The following LUC7L2 variants were observed in gnomAD, a reference collection of about 807,000 sequenced individuals.
The protein encoded by LUC7L2 is putative RNA-binding protein Luc7-like 2.
A neutral mutation model predicts 52.8 loss-of-function variants in LUC7L2; 25 were observed. The observed-to-expected ratio is 0.47, with a 90% CI of 0.34 to 0.66. The LOEUF is 0.66. LUC7L2 is among the 30% of genes least tolerant of loss of function. The pLI is 0.01. For synonymous variants in LUC7L2, 144 were observed against 160.9 expected, an observed-to-expected ratio of 0.89 and a Z score of 0.80; for missense variants, 328 against 497.8, an observed-to-expected ratio of 0.66 and a Z score of 3.25.
At chr7:139,403,850 T>C (rs944594639) in intron 4 of LUC7L2, among the ~76,000 whole-genome samples, 1 of 152,184 alleles carries the variant, frequency 6.6e-6, no homozygotes, top group African/African-American at 2.4e-5. Context: ...CTGGCCGTGT[T>C]CTCATAGTGG....
At chr7:139,366,494 A>AC (rs1304151523) in intron 1 of LUC7L2, among the ~76,000 whole-genome samples, 11 of 152,036 alleles carry the variant, frequency 7.2e-5, no homozygotes, top group Admixed American at 2.0e-4. Flanking sequence ...TAATAGTTTA[A>AC]TAGTTAAAGT....
chr7:139,379,836 A>G (rs10085842), intron 2 of LUC7L2, among the ~76,000 whole-genome samples: 58,494 of 151,812 alleles, frequency 0.39, 15,743 homozygotes, highest in African/African-American at 0.77. Flanking sequence ...AAAGTGCTGC[A>G]ATGATAGGCC....
At chr7:139,341,264 C>T in intron 1 of LUC7L2, 3 of 1,462,232 alleles carry the variant, frequency 2.1e-6, no homozygotes, top group East Asian at 2.3e-5. Flanking sequence ...TTCCACTGCT[C>T]GTCAGTCGAT....
chr7:139,396,258 C>T (rs1794659125), intron 2 of LUC7L2, among the ~76,000 whole-genome samples: 2 of 151,828 alleles, frequency 1.3e-5, no homozygotes, highest in African/African-American at 4.8e-5. Flanking sequence ...GGCAAGATAG[C>T]ACCCTTTGTC....
At chr7:139,372,367 C>A (rs1382879505) in intron 1 of LUC7L2, among the ~76,000 whole-genome samples, 1 of 152,118 alleles carries the variant, frequency 6.6e-6, no homozygotes, top group Non-Finnish European at 1.5e-5. Context: ...AGCCATTTGC[C>A]AAAGCCAGAT....
At chr7:139,385,311 CTTTTTTTTTTTTT>C (rs58744665) in intron 2 of LUC7L2, among the ~76,000 whole-genome samples, 1 of 118,562 alleles carries the variant, frequency 8.4e-6, no homozygotes, top group Admixed American at 9.1e-5. Flanking sequence ...GTTAGGATTA[CTTTTTTTTTTTTT>C]TTTTTTTTTT....
At chr7:139,353,525 G>T (rs1799517657) in intron 1 of LUC7L2, among the ~76,000 whole-genome samples, 1 of 152,096 alleles carries the variant, frequency 6.6e-6, no homozygotes, top group South Asian at 2.1e-4. Context: ...ATGCTAAGAT[G>T]AATACATGGT....
chr7:139,380,669 C>T (rs1308970027), intron 2 of LUC7L2, among the ~76,000 whole-genome samples: 2 of 152,116 alleles, frequency 1.3e-5, no homozygotes, highest in Non-Finnish European at 2.9e-5. Context: ...ATATTGTAGT[C>T]TCTCTCTTTT....
At chr7:139,367,545 G>A (rs922453278) in intron 1 of LUC7L2, among the ~76,000 whole-genome samples, 1 of 152,126 alleles carries the variant, frequency 6.6e-6, no homozygotes, top group African/African-American at 2.4e-5. Context: ...TTTCCTTACT[G>A]AGTGGTATTT....
At chr7:139,345,439 T>G in intron 1 of LUC7L2, 1 of 1,596,200 alleles carries the variant, frequency 6.3e-7, no homozygotes, top group Non-Finnish European at 8.5e-7. Flanking sequence ...ATTTATTAAA[T>G]CTTTCTCTGT....
intron 1 of LUC7L2, among the ~76,000 whole-genome samples, chr7:139,363,956 G>A (rs961390446): frequency 8.8e-5 from 13 of 148,368 alleles, no homozygotes; most frequent in Non-Finnish European, 1.6e-4. Flanking sequence ...AAAATTGAGG[G>A]TGTGGATTTA....
intron 6 of LUC7L2, among the ~76,000 whole-genome samples, chr7:139,408,876 G>C (rs1795232399): frequency 2.7e-5 from 4 of 150,146 alleles, no homozygotes; most frequent in African/African-American, 9.9e-5. Flanking sequence ...AGCTGGGTAT[G>C]GTGGCTTATG....
intron 1 of LUC7L2, among the ~76,000 whole-genome samples, chr7:139,374,122 C>T (rs1261321647): frequency 6.6e-6 from 1 of 152,138 alleles, no homozygotes; most frequent in Non-Finnish European, 1.5e-5. Context: ...ATGAAACATA[C>T]TTTTTAAAGA....
At chr7:139,369,832 A>G (rs1585082809) in intron 1 of LUC7L2, among the ~76,000 whole-genome samples, 1 of 152,134 alleles carries the variant, frequency 6.6e-6, no homozygotes, top group East Asian at 1.9e-4. Context: ...ACTGGTACCT[A>G]TTTCTGATTA....
rs779292140 is a variant in LUC7L2, at chr7:139,422,259, TAAG to T, written c.1102_1104del (p.Lys368del). The T allele has an allele frequency of 6.2e-6, 10 of 1,614,054 alleles. No individual in the cohort carries two copies. Among genetic ancestry groups the T allele is most frequent in the South Asian group, 2.2e-5 (2 of 91,084 alleles). On this transcript the variant is annotated inframe_deletion, in exon 10 of 10. Transcript: ENST00000354926. The stretch of plus-strand genomic sequence containing the variant: ...CACCTCGTGACAGAGATCGGAAAGA[TAAG>T]AAGCGGTCCTATGAGAGTGCTAATG...
chr7:139,366,857 G>T (rs1398552839), intron 1 of LUC7L2, among the ~76,000 whole-genome samples: 1 of 152,134 alleles, frequency 6.6e-6, no homozygotes, highest in Non-Finnish European at 1.5e-5. Flanking sequence ...ATGGGCCCCA[G>T]CAATCCATGT....
intron 4 of LUC7L2, 89 bp from the exon 5 acceptor site, chr7:139,405,555 C>G: frequency 6.9e-7 from 1 of 1,440,384 alleles, no homozygotes; most frequent in South Asian, 1.5e-5. Context: ...CCTTAGATAA[C>G]AAGTTTTTTC....
rs58282436 is a variant in LUC7L2, at chr7:139,406,352, C to CT, written c.510+583dup. Among the ~76,000 whole-genome samples the CT allele has an allele frequency of 9.4e-3, 1,244 of 132,500 alleles. 14 individuals carry two copies. Among genetic ancestry groups the CT allele is most frequent in the East Asian group, 0.042 (190 of 4,516 alleles). The allele number at this position is 132,500 out of a possible 152,430, so 86.9% of individuals were successfully genotyped here. A position where few individuals can be genotyped will look rare whatever the true frequency, so the allele number is the denominator to read the frequency against. On this transcript the variant is annotated intron_variant, in intron 5 of 9. Transcript: ENST00000354926. ...CAGGCATGAACCACTGCACCAGGGC[C>CT]TTTTTTTTTTTTTTTTTTAAGACAG...
intron 1 of LUC7L2, among the ~76,000 whole-genome samples, chr7:139,364,247 A>G (rs1316951932): frequency 6.6e-6 from 1 of 151,996 alleles, no homozygotes; most frequent in Non-Finnish European, 1.5e-5. Flanking sequence ...AGCCTAGATT[A>G]CATTTTAAGC....
Sources: gnomAD v4.1 joint callset for allele counts (sites outside exome capture counted in the v4.1 genomes callset) on GRCh38, gnomAD v4.1.1 for gene constraint, MANE v1.5 for transcripts, NCBI Gene and HGNC (gene_info 2026-07-23, HGNC 2026-07-21) for gene names.